Variants in DRC11 observed in about 807,000 individuals in gnomAD.
DRC11 encodes dynein regulatory complex subunit 11, also known as IQ and AAA domain-containing protein 1.
chr2:236,493,645 G>A, the DRC11 span: 78 of 745,896 alleles, frequency 1.0e-4, no homozygotes, highest in Middle Eastern at 1.4e-3. Context: ...ACTGTATAAC[G>A]AGGGAGGGAT....
chr2:236,443,513 T>A, the DRC11 span, among the ~76,000 whole-genome samples: 1 of 152,254 alleles, frequency 6.6e-6, no homozygotes, highest in African/African-American at 2.4e-5. The surrounding 1 kb of genome is among the most constrained non-coding windows in gnomAD (Gnocchi z 4.4). Flanking sequence ...ATTAGTTTAC[T>A]GAGGATAACG....
chr2:236,404,174 AAAAAAG>A, the DRC11 span, among the ~76,000 whole-genome samples: 5 of 151,652 alleles, frequency 3.3e-5, no homozygotes, highest in South Asian at 2.1e-4. Context: ...AAAAAAAAAA[AAAAAAG>A]AAAAAGAAAA....
chr2:236,492,737 A>G, the DRC11 span, among the ~76,000 whole-genome samples: 1 of 152,322 alleles, frequency 6.6e-6, no homozygotes, highest in South Asian at 2.1e-4. Context: ...TGCCCTGTGG[A>G]AAGGGTGGGA....
At chr2:236,507,221 C>T in the DRC11 span, 2 of 1,612,006 alleles carry the variant, frequency 1.2e-6, no homozygotes, top group South Asian at 2.2e-5. Flanking sequence ...TTGGGGAAGC[C>T]CACTCCATGG....
chr2:236,462,927 T>C, the DRC11 span, among the ~76,000 whole-genome samples: 14 of 152,168 alleles, frequency 9.2e-5, no homozygotes, highest in African/African-American at 2.7e-4. The surrounding 1 kb of genome is among the most constrained non-coding windows in gnomAD (Gnocchi z 6.4). Context: ...AATGCAAGTC[T>C]TCCCTCCCCC....
the DRC11 span, among the ~76,000 whole-genome samples, chr2:236,327,981 C>T: frequency 6.6e-6 from 1 of 152,170 alleles, no homozygotes; most frequent in South Asian, 2.1e-4. Context: ...TTTTCACTAT[C>T]AAAAGTTCTA....
the DRC11 span, chr2:236,380,517 T>G: frequency 7.1e-7 from 1 of 1,415,884 alleles, no homozygotes; most frequent in Admixed American, 2.0e-5. This position sits in a 1 kb window ranked among gnomAD's most constrained non-coding sequence, Gnocchi z 4.9. Flanking sequence ...TTCCCTGTGC[T>G]GTTCTCTGGG....
chr2:236,459,220 G>A, the DRC11 span, among the ~76,000 whole-genome samples: 1 of 151,978 alleles, frequency 6.6e-6, no homozygotes, highest in Non-Finnish European at 1.5e-5. Flanking sequence ...TTGCAACGAA[G>A]AAACCAAAAG....
At chr2:236,430,777 G>A in the DRC11 span, among the ~76,000 whole-genome samples, 1 of 152,184 alleles carries the variant, frequency 6.6e-6, no homozygotes. The surrounding 1 kb of genome is among the most constrained non-coding windows in gnomAD (Gnocchi z 6.0). Flanking sequence ...TTACCCTTCT[G>A]CCAGCAGTGT....
chr2:236,452,955 C>T, the DRC11 span, among the ~76,000 whole-genome samples: 1 of 152,166 alleles, frequency 6.6e-6, no homozygotes, highest in Non-Finnish European at 1.5e-5. This position sits in a 1 kb window ranked among gnomAD's most constrained non-coding sequence, Gnocchi z 4.7. Context: ...TTATTTTCAC[C>T]TTTCTTCAAT....
chr2:236,316,755 C>T, the DRC11 span, among the ~76,000 whole-genome samples: 75 of 152,246 alleles, frequency 4.9e-4, no homozygotes, highest in African/African-American at 1.6e-3. The surrounding 1 kb of genome is among the most constrained non-coding windows in gnomAD (Gnocchi z 6.8). Context: ...ACAATGAAAA[C>T]GCCTGACCAC....
chr2:236,459,398 T>C, the DRC11 span, among the ~76,000 whole-genome samples: 1 of 151,646 alleles, frequency 6.6e-6, no homozygotes. Context: ...TAGTTCTCCT[T>C]GGATGAATAT....
At chr2:236,393,913 G>T in the DRC11 span, among the ~76,000 whole-genome samples, 1 of 152,156 alleles carries the variant, frequency 6.6e-6, no homozygotes, top group Non-Finnish European at 1.5e-5. The surrounding 1 kb of genome is among the most constrained non-coding windows in gnomAD (Gnocchi z 4.7). Context: ...CCTTTGCAGA[G>T]ACCATTCCCC....
At chr2:236,464,775 T>C in the DRC11 span, among the ~76,000 whole-genome samples, 2 of 151,906 alleles carry the variant, frequency 1.3e-5, no homozygotes, top group African/African-American at 4.8e-5. Flanking sequence ...GTCCTTGCTA[T>C]AGTGAGTGAG....
chr2:236,464,785 G>C, the DRC11 span, among the ~76,000 whole-genome samples: 1 of 151,920 alleles, frequency 6.6e-6, no homozygotes, highest in Non-Finnish European at 1.5e-5. Flanking sequence ...TAGTGAGTGA[G>C]TTCTTGCAAG....
chr2:236,333,038 T>C, the DRC11 span: 1 of 152,334 alleles, frequency 6.6e-6, no homozygotes, highest in East Asian at 1.9e-4. This position sits in a 1 kb window ranked among gnomAD's most constrained non-coding sequence, Gnocchi z 6.0. Flanking sequence ...AAACTAGTCT[T>C]ATCCGTAAAA....
At chr2:236,405,996 G>A in the DRC11 span, among the ~76,000 whole-genome samples, 2 of 152,306 alleles carry the variant, frequency 1.3e-5, no homozygotes, top group South Asian at 4.1e-4. This position sits in a 1 kb window ranked among gnomAD's most constrained non-coding sequence, Gnocchi z 4.6. Flanking sequence ...CTGAGAATAA[G>A]GGGGGACTAG....
At chr2:236,331,307 C>A in the DRC11 span, 65 of 1,252,926 alleles carry the variant, frequency 5.2e-5, no homozygotes, top group Admixed American at 6.8e-5. The surrounding 1 kb of genome is among the most constrained non-coding windows in gnomAD (Gnocchi z 4.8). Context: ...AGGGAGGAGG[C>A]AGCGTGAGGA....
the DRC11 span, among the ~76,000 whole-genome samples, chr2:236,502,428 T>G: frequency 1.3e-5 from 2 of 151,110 alleles, no homozygotes; most frequent in African/African-American, 2.4e-5. Context: ...AATACAAAAA[T>G]TAGCTGGGCA....
Sources: allele counts gnomAD v4.1 joint callset (sites outside exome capture counted in the v4.1 genomes callset), GRCh38; gene constraint gnomAD v4.1.1; non-coding constraint Gnocchi (gnomAD v3.1); transcripts MANE v1.5; gene names NCBI Gene and HGNC (gene_info 2026-07-23, HGNC 2026-07-21).